The following LRRC4C variants were observed in gnomAD, a reference collection of about 807,000 sequenced individuals.
The protein encoded by LRRC4C is leucine rich repeat containing 4C, also known as leucine-rich repeat-containing protein 4C.
LRRC4C carries 5 observed loss-of-function variants against 33.6 expected under a neutral mutation model. That is an observed-to-expected ratio of 0.15 (90% CI 0.08 to 0.31). The LOEUF is 0.31. Ranked by LOEUF, LRRC4C falls within the 10% of genes least tolerant of loss-of-function variation. LRRC4C has a pLI of 1.00. For missense variants in LRRC4C, 560 were observed against 796.7 expected, an observed-to-expected ratio of 0.70 and a Z score of 3.58; for synonymous variants, 329 against 302.0, an observed-to-expected ratio of 1.09 and a Z score of -0.93.
rs568430584 is a variant in LRRC4C, at chr11:41,368,630, C to T, written c.-496+90801G>A. On this transcript the variant is annotated intron_variant, in intron 1 of 6. Transcript: ENST00000528697. Reference sequence around the variant, plus strand: ...TCCAGTGTTGGTCTACCAACCATCACACATGGCTCTGCCAGTAAAACATAC... The same window carrying T: ...TCCAGTGTTGGTCTACCAACCATCATACATGGCTCTGCCAGTAAAACATAC... Among the ~76,000 whole-genome samples, 6 of 152,332 alleles carry T rather than the reference C, an allele frequency of 3.9e-5. No homozygotes were observed. The South Asian group carries it at 1.2e-3, about 32-fold the overall frequency.
chr11:40,503,740 G>A (rs1354006119), intron 3 of LRRC4C, among the ~76,000 whole-genome samples: 2 of 152,172 alleles, frequency 1.3e-5, no homozygotes, highest in African/African-American at 4.8e-5. Flanking sequence ...AGGCTCAGTA[G>A]ACAGTGAGGA....
At chr11:41,403,072 G>A (rs1257192531) in intron 1 of LRRC4C, among the ~76,000 whole-genome samples, 1 of 151,958 alleles carries the variant, frequency 6.6e-6, no homozygotes, top group Non-Finnish European at 1.5e-5. Flanking sequence ...AGCTTAGCTG[G>A]TCATCTGAAC....
At chr11:41,409,182 T>C (rs1174898626) in intron 1 of LRRC4C, among the ~76,000 whole-genome samples, 2 of 152,188 alleles carry the variant, frequency 1.3e-5, no homozygotes, top group South Asian at 2.1e-4. Context: ...CTGCAGAATA[T>C]ACACCACTTT....
intron 4 of LRRC4C, among the ~76,000 whole-genome samples, chr11:40,259,839 C>G (rs1867545655): frequency 1.3e-5 from 2 of 152,086 alleles, no homozygotes; most frequent in African/African-American, 2.4e-5. Flanking sequence ...AAATGCAAAT[C>G]AAAACCACAA....
chr11:40,130,580 CT>C (rs1274172653), intron 6 of LRRC4C, among the ~76,000 whole-genome samples: 4 of 152,188 alleles, frequency 2.6e-5, no homozygotes, highest in Admixed American at 2.0e-4. Context: ...GCCTAAATCC[CT>C]TACTGCCTCT....
intron 1 of LRRC4C, among the ~76,000 whole-genome samples, chr11:41,053,860 T>A (rs1858428894): frequency 6.6e-6 from 1 of 152,224 alleles, no homozygotes; most frequent in Admixed American, 6.5e-5. Flanking sequence ...AAAAATATAT[T>A]CAGTGCATTT....
chr11:40,499,991 T>C (rs1954664095), intron 3 of LRRC4C, among the ~76,000 whole-genome samples: 2 of 152,062 alleles, frequency 1.3e-5, no homozygotes, highest in Non-Finnish European at 2.9e-5. Context: ...CCATCCTCTG[T>C]TCCTGTCCCA....
Position 40,532,059 on chromosome 11 carries a change from A to T in LRRC4C, c.-270+116083T>A, listed in dbSNP as rs571412096. On this transcript the variant is annotated intron_variant, in intron 3 of 6. Transcript: ENST00000528697. Reference sequence around the variant, plus strand: ...GCATTTTCTTACTAAATTCTGCAACAATCTCATAAACTAGAAACCATTGCA... The same window carrying T: ...GCATTTTCTTACTAAATTCTGCAACTATCTCATAAACTAGAAACCATTGCA... Among the ~76,000 whole-genome samples, 7 of 149,294 alleles carry T rather than the reference A, an allele frequency of 4.7e-5. No homozygotes were observed. The East Asian group carries it at 1.4e-3, about 29-fold the overall frequency.
intron 1 of LRRC4C, among the ~76,000 whole-genome samples, chr11:40,988,698 C>G (rs1853253490): frequency 7.6e-6 from 1 of 132,388 alleles, no homozygotes; most frequent in Admixed American, 7.9e-5. Flanking sequence ...CATTTGTTTT[C>G]CTTTCTTTTC....
intron 3 of LRRC4C, among the ~76,000 whole-genome samples, chr11:40,349,496 A>T (rs573486652): frequency 1.3e-5 from 2 of 152,102 alleles, no homozygotes; most frequent in Non-Finnish European, 2.9e-5. Context: ...GGTTGCTTCC[A>T]AATCTTGGCT....
chr11:40,544,266 T>G (rs1339441535), intron 3 of LRRC4C, among the ~76,000 whole-genome samples: 1 of 152,062 alleles, frequency 6.6e-6, no homozygotes, highest in East Asian at 1.9e-4. Context: ...GTCAGTATTT[T>G]CTGCATAAAT....
At chr11:40,962,906 C>A (rs1003337492) in intron 1 of LRRC4C, among the ~76,000 whole-genome samples, 10 of 151,684 alleles carry the variant, frequency 6.6e-5, no homozygotes, top group African/African-American at 1.7e-4. Flanking sequence ...GGACAGGAAG[C>A]AGGAAGAATG....
At chr11:40,755,177 T>C (rs537049899) in intron 2 of LRRC4C, among the ~76,000 whole-genome samples, 1 of 152,264 alleles carries the variant, frequency 6.6e-6, no homozygotes, top group African/African-American at 2.4e-5. Context: ...ATTCTACTAC[T>C]GCTCGAAGTA....
At chr11:40,507,318 T>C (rs1367263230) in intron 3 of LRRC4C, among the ~76,000 whole-genome samples, 2 of 152,082 alleles carry the variant, frequency 1.3e-5, no homozygotes, top group African/African-American at 4.8e-5. Context: ...TTCAATAGAA[T>C]AATAGGCAGT....
intron 3 of LRRC4C, among the ~76,000 whole-genome samples, chr11:40,478,745 G>C (rs1334541464): frequency 1.3e-5 from 2 of 152,078 alleles, no homozygotes; most frequent in African/African-American, 4.8e-5. Flanking sequence ...GGCCAAAATA[G>C]GCTTCCCTGA....
At chr11:41,381,637 A>C (rs911854785) in intron 1 of LRRC4C, among the ~76,000 whole-genome samples, 8 of 148,566 alleles carry the variant, frequency 5.4e-5, no homozygotes, top group African/African-American at 1.8e-4. Flanking sequence ...AAAAAAAAAA[A>C]AAGAAAAAAG....
chr11:41,341,142 G>T (rs1001676776), intron 1 of LRRC4C, among the ~76,000 whole-genome samples: 2 of 151,358 alleles, frequency 1.3e-5, no homozygotes, highest in Non-Finnish European at 2.9e-5. Flanking sequence ...GGCAATCTAG[G>T]TATGAAAGTA....
At chr11:41,185,779 T>C (rs1363141854) in intron 1 of LRRC4C, among the ~76,000 whole-genome samples, 5 of 152,166 alleles carry the variant, frequency 3.3e-5, no homozygotes, top group Non-Finnish European at 7.4e-5. Context: ...ACTTTTAAAA[T>C]ATTTCTAAAC....
chr11:40,782,665 T>A (rs561415834), intron 2 of LRRC4C, among the ~76,000 whole-genome samples: 25 of 152,336 alleles, frequency 1.6e-4, no homozygotes, highest in African/African-American at 5.5e-4. Context: ...TTGCTTTTGT[T>A]ACTTATGGTT....
Sources: allele counts gnomAD v4.1 joint callset (sites outside exome capture counted in the v4.1 genomes callset), GRCh38; gene constraint gnomAD v4.1.1; transcripts MANE v1.5; gene names NCBI Gene and HGNC (gene_info 2026-07-23, HGNC 2026-07-21).